The following MAP4K5 variants were observed in gnomAD, a reference collection of about 807,000 sequenced individuals.
MAP4K5 encodes the protein mitogen-activated protein kinase kinase kinase kinase 5.
A neutral mutation model predicts 135.6 loss-of-function variants in MAP4K5; 82 were observed. The ratio of observed to expected loss-of-function variants is 0.60; its 90% confidence interval spans 0.51 to 0.73. The LOEUF (loss-of-function observed/expected upper bound fraction) is 0.73, where lower values mean the gene tolerates loss of function less well. MAP4K5 is among the 30% of genes least tolerant of loss of function. The pLI is 0.00. For missense variants in MAP4K5, 907 were observed against 1,010.9 expected, an observed-to-expected ratio of 0.90 and a Z score of 1.39; for synonymous variants, 347 against 335.0, an observed-to-expected ratio of 1.04 and a Z score of -0.39.
chr14:50,456,662 C>T (rs780597747), intron 13 of MAP4K5, 68 bp from the exon 14 acceptor site: 266 of 954,460 alleles, frequency 2.8e-4, no homozygotes, highest in Non-Finnish European at 3.9e-4. Context: ...GTCAAACTTT[C>T]TTATCATTTA....
At position 50,440,435 on chromosome 14, in the gene MAP4K5, T is replaced by C. The variant is rs2036201379; in HGVS notation, c.1571A>G (p.Tyr524Cys). Residue 524 changes from tyrosine (Y) to cysteine (C), a missense_variant, in exon 22 of 33, where the codon TAC becomes TGC. By Grantham distance (194) the Tyr-to-Cys change is radical. Around this residue, in one of 3 missense-constraint regions of MAP4K5, gnomAD observed 690 missense variants for 777.4 expected, o/e 0.89. Coordinates refer to ENST00000682126, the MANE Select transcript of MAP4K5 (RefSeq NM_006575.6). ...SWIHPDTKDQ[Y>C]IIFGTEDGIY... ...ACCATCTTCAGTTCCAAAAATAATG[T>C]ACTGATCTAAAATAGTTGAGATAAA... 1.3e-6 allele frequency: 2 copies of C among 1,550,888 alleles called. No homozygotes were observed. The highest frequency in any genetic ancestry group is 2.7e-5 in the African/African-American group (2 of 73,584).
chr14:50,489,115 G>A (rs1018331574), intron 3 of MAP4K5, among the ~76,000 whole-genome samples: 5 of 152,132 alleles, frequency 3.3e-5, no homozygotes, highest in African/African-American at 9.7e-5. Context: ...AATCCACTAG[G>A]TTCAGAGAAC....
chr14:50,451,997 G>T (rs973009618), intron 14 of MAP4K5, among the ~76,000 whole-genome samples: 1 of 152,124 alleles, frequency 6.6e-6, no homozygotes, highest in African/African-American at 2.4e-5. Context: ...TTTGAATTTT[G>T]ATCTTTTCCC....
intron 2 of MAP4K5, among the ~76,000 whole-genome samples, chr14:50,525,925 G>GC (rs2038254285): frequency 6.6e-6 from 1 of 152,130 alleles, no homozygotes; most frequent in Non-Finnish European, 1.5e-5. Flanking sequence ...TTTCCTGCCA[G>GC]AAAATAGCCT....
In MAP4K5 at chr14:50,446,132, G is replaced by T. The variant is rs1055495911; in HGVS notation, c.1143-11C>A. On this transcript the variant is annotated splice_polypyrimidine_tract_variant and intron_variant, in intron 16 of 32. Coordinates refer to ENST00000682126, the MANE Select transcript of MAP4K5 (RefSeq NM_006575.6). ...CGTTTTGAGGTTGATCTAATACAAA[G>T]AAGAAATGCAATTTAGATGATGATA... The T allele has an allele frequency of 1.9e-6, 3 of 1,551,002 alleles. No homozygotes were observed. The highest frequency in any genetic ancestry group is 2.4e-5 in the South Asian group (2 of 82,312).
intron 2 of MAP4K5, among the ~76,000 whole-genome samples, chr14:50,508,405 T>C (rs886840904): frequency 1.3e-5 from 2 of 152,166 alleles, no homozygotes; most frequent in Non-Finnish European, 2.9e-5. Flanking sequence ...GATGACTTCA[T>C]GTCCTTTGTA....
intron 9 of MAP4K5, among the ~76,000 whole-genome samples, chr14:50,470,718 T>C (rs2036941000): frequency 6.6e-6 from 1 of 151,986 alleles, no homozygotes; most frequent in South Asian, 2.1e-4. Flanking sequence ...ATATTGCATA[T>C]ACTACTTGGA....
chr14:50,485,966 T>C, intron 4 of MAP4K5, 138 bp downstream of exon 4: 2 of 570,870 alleles, frequency 3.5e-6, no homozygotes, highest in Non-Finnish European at 3.1e-6. Flanking sequence ...ACCGTAGAAA[T>C]AGGAAAACCT....
intron 2 of MAP4K5, among the ~76,000 whole-genome samples, chr14:50,520,357 C>T (rs1434790269): frequency 2.0e-5 from 3 of 152,060 alleles, no homozygotes; most frequent in Admixed American, 6.6e-5. Context: ...AGAAATTAGT[C>T]GGGCATGGCA....
chr14:50,542,633 CCTTA>C (rs981347316), intron 1 of MAP4K5: 6 of 152,064 alleles, frequency 3.9e-5, no homozygotes, highest in African/African-American at 1.4e-4. Flanking sequence ...TTGGACCTGC[CCTTA>C]CTTCTTTGCC....
At chr14:50,505,304 T>A (rs1275954650) in intron 2 of MAP4K5, among the ~76,000 whole-genome samples, 1 of 152,154 alleles carries the variant, frequency 6.6e-6, no homozygotes, top group Middle Eastern at 3.2e-3. Context: ...TATATGCATG[T>A]GCATTATGGA....
intron 25 of MAP4K5, 84 bp from the exon 26 acceptor site, chr14:50,437,618 CAGAA>C: frequency 1.1e-6 from 1 of 946,872 alleles, no homozygotes; most frequent in Non-Finnish European, 1.6e-6. Flanking sequence ...CAGAATCAGA[CAGAA>C]AGGAGCTTAA....
chr14:50,542,129 G>A (rs187550007), intron 2 of MAP4K5, among the ~76,000 whole-genome samples: 58 of 146,654 alleles, frequency 4.0e-4, no homozygotes, highest in African/African-American at 1.2e-3. Flanking sequence ...GTAGAGGCTA[G>A]ACTCCTGACC....
intron 2 of MAP4K5, among the ~76,000 whole-genome samples, chr14:50,527,283 T>C (rs1352776041): frequency 6.6e-6 from 1 of 151,910 alleles, no homozygotes; most frequent in Non-Finnish European, 1.5e-5. Flanking sequence ...GAGGTTGCAG[T>C]AAGCTGAGAT....
At chr14:50,492,844 A>C (rs1255633062) in intron 3 of MAP4K5, among the ~76,000 whole-genome samples, 1 of 152,084 alleles carries the variant, frequency 6.6e-6, no homozygotes, top group East Asian at 1.9e-4. Flanking sequence ...TAATATACTT[A>C]TCTTAGAAAA....
At chr14:50,466,907 T>C (rs2036845630) in intron 10 of MAP4K5, among the ~76,000 whole-genome samples, 1 of 152,206 alleles carries the variant, frequency 6.6e-6, no homozygotes, top group African/African-American at 2.4e-5. Flanking sequence ...GTTTTCTTAC[T>C]ATACTGTTAC....
chr14:50,510,667 G>A (rs188502269), intron 2 of MAP4K5, among the ~76,000 whole-genome samples: 35 of 152,112 alleles, frequency 2.3e-4, no homozygotes, highest in Admixed American at 7.9e-4. Flanking sequence ...ATGAATTAAA[G>A]TATTTTGAAG....
Position 50,557,554 on chromosome 14 carries a change from C to T in MAP4K5, c.-180+3486G>A, listed in dbSNP as rs181287203. 6.6e-5 allele frequency among the ~76,000 whole-genome samples: 10 copies of T among 152,206 alleles called. No individual in the cohort carries two copies. In the East Asian group the frequency reaches 7.7e-4, roughly 12 times the overall value. ...TTCACACCTACATAACATTCTATTG[C>T]GTATATGTATTATAATGTATTCAAC... is the stretch of plus-strand genomic sequence containing the variant. On this transcript the variant is annotated intron_variant, in intron 1 of 8. Transcript: ENST00000555216.
chr14:50,463,200 C>G (rs2036750673), intron 12 of MAP4K5, among the ~76,000 whole-genome samples: 1 of 152,006 alleles, frequency 6.6e-6, no homozygotes, highest in Non-Finnish European at 1.5e-5. Context: ...TGTTAATTTA[C>G]AAAGACATAT....
Sources: allele counts gnomAD v4.1 joint callset (sites outside exome capture counted in the v4.1 genomes callset), GRCh38; gene constraint gnomAD v4.1.1; regional missense constraint gnomAD v4.1.1; transcripts MANE v1.5; gene names NCBI Gene and HGNC (gene_info 2026-07-23, HGNC 2026-07-21).